The following CD180 variants were observed in gnomAD, a reference collection of about 807,000 sequenced individuals.
CD180 encodes CD180 antigen.
Under a neutral mutation model 10.7 loss-of-function variants are expected in CD180, and 11 were observed. The ratio of observed to expected loss-of-function variants is 1.03; its 90% CI spans 0.65 to 1.70. CD180 has a LOEUF of 1.70. Among genes scored for constraint, CD180 ranks in the 40% most tolerant of loss-of-function variants. The pLI is 0.00. For missense variants in CD180, 729 were observed against 775.2 expected (o/e 0.94, Z 0.71); for synonymous variants, 286 against 294.6 (o/e 0.97, Z 0.30).
chr5:67,193,441 G>T (rs1581830751), intron 1 of CD180, among the ~76,000 whole-genome samples: 1 of 152,144 alleles, frequency 6.6e-6, no homozygotes, highest in African/African-American at 2.4e-5. Context: ...TCAGGAATAA[G>T]TTCCATTTTT....
intron 1 of CD180, among the ~76,000 whole-genome samples, chr5:67,195,270 G>A (rs1326485440): frequency 6.6e-6 from 1 of 152,208 alleles, no homozygotes. Context: ...AGGCTGGAGT[G>A]CGGTGGCACA....
chr5:67,193,132 T>C (rs1030957957), intron 1 of CD180, among the ~76,000 whole-genome samples: 3 of 152,222 alleles, frequency 2.0e-5, no homozygotes, highest in Non-Finnish European at 4.4e-5. Flanking sequence ...TCTCCTCAGT[T>C]TGCGAACTGT....
In CD180 at chr5:67,179,645, C is replaced by A. The variant is rs997206513; in HGVS notation, c.*3212G>T. 6.6e-6 allele frequency: 1 copy of A among 152,244 alleles called. No homozygotes were observed. Among genetic ancestry groups the A allele is most frequent in the African/African-American group, 2.4e-5 (1 of 41,470 alleles). 9.4% of individuals were successfully genotyped at this position (152,244 alleles called of 1,614,324 possible). A position where few individuals can be genotyped will look rare whatever the true frequency, so the allele number is the denominator to read the frequency against. On this transcript the variant is annotated 3_prime_UTR_variant, in exon 3 of 3. Transcript: ENST00000256447. The stretch of plus-strand genomic sequence containing the variant: ...CATACTTTTATAAACATCAAAATTG[C>A]AAACTACACTGATTGGAGAGTTGGA...
chr5:67,184,713 T>C (rs5744524), intron 2 of CD180, 128 bp from the exon 3 acceptor site: 23,248 of 747,284 alleles, frequency 0.031, 1,736 homozygotes, highest in African/African-American at 0.24. Flanking sequence ...TTCTTCAATA[T>C]CAACAGATGG....
chr5:67,183,118 A>C lies in CD180; in HGVS notation c.1725T>G (p.Ser575Arg). The change falls in exon 3 of 3, where the codon AGT becomes AGG. Residue 575 changes from serine to arginine, a missense_variant. By Grantham distance (110) the Ser-to-Arg change is moderately radical (BLOSUM62 -1). Coordinates refer to ENST00000256447, the MANE Select transcript of CD180 (RefSeq NM_005582.3). Reference protein sequence around the residue: ...ILSQQSTINLSHNPLDCTCSN... With the variant: ...ILSQQSTINLRHNPLDCTCSN... ...AGCAAGTGCAGTCCAGGGGGTTATG[A>C]CTTAAATTAATGGTGCTCTGCTGGG... 6.2e-7 allele frequency: 1 copy of C among 1,610,426 alleles called. No individual in the cohort carries two copies. The highest frequency in any genetic ancestry group is 8.5e-7 in the Non-Finnish European group (1 of 1,177,510).
At chr5:67,191,982 G>T (rs552431038) in intron 1 of CD180, among the ~76,000 whole-genome samples, 3 of 152,232 alleles carry the variant, frequency 2.0e-5, no homozygotes, top group Non-Finnish European at 4.4e-5. Flanking sequence ...AAACAATAAA[G>T]CTTCTAGAAG....
Position 67,184,562 on chromosome 5 carries a change from T to A in CD180, c.281A>T (p.Glu94Val). 1 of 1,595,728 alleles carries A rather than the reference T, an allele frequency of 6.3e-7. No individual in the cohort carries two copies. The highest frequency in any genetic ancestry group is 1.1e-5 in the South Asian group (1 of 90,224). ...LTRCQINWIH[E>V]DTFQSHHQLS... Reference sequence around the variant, plus strand: ...TTGATGATGGCTTTGAAAAGTGTCTTCATGTATCCAGTTAATCTGGCACCT... The same window carrying A: ...TTGATGATGGCTTTGAAAAGTGTCTACATGTATCCAGTTAATCTGGCACCT... Residue 94 changes from glutamate to valine, a missense_variant, in exon 3 of 3, where the codon GAA (glutamate) becomes GTA (valine). Transcript: ENST00000256447.
In CD180 at chr5:67,183,650, A is replaced by T; in HGVS notation, c.1193T>A (p.Leu398Ter). 1 of 1,614,172 alleles carries T rather than the reference A, an allele frequency of 6.2e-7. No homozygotes were observed. Among genetic ancestry groups the T allele is most frequent in the Admixed American group, 1.7e-5 (1 of 60,026 alleles). ...ATTGTGGCTCAGGTTTAAGGTTTGCAAGTGGGACAGGTTTTTGAGTTGCAG... is the reference window on the plus strand; with the variant it reads ...ATTGTGGCTCAGGTTTAAGGTTTGCTAGTGGGACAGGTTTTTGAGTTGCAG... The part of the protein sequence containing the change: ...CSLQLKNLSH[L>*]QTLNLSHNEP... Residue 398 changes from leucine to a stop codon, truncating the protein, a stop_gained, in exon 3 of 3, where the codon TTG becomes TAG. Transcript: ENST00000256447. LOFTEE classifies it low-confidence loss of function (END_TRUNC).
intron 1 of CD180, among the ~76,000 whole-genome samples, chr5:67,195,102 C>T (rs1204434802): frequency 1.3e-5 from 2 of 152,190 alleles, no homozygotes; most frequent in Non-Finnish European, 2.9e-5. Context: ...TCTGCCAACA[C>T]CTTGATCTTA....
At chr5:67,188,084 C>T (rs968845624) in intron 1 of CD180, among the ~76,000 whole-genome samples, 1 of 151,756 alleles carries the variant, frequency 6.6e-6, no homozygotes, top group Non-Finnish European at 1.5e-5. Flanking sequence ...GCAGGAGAAT[C>T]GCTTGAACCA....
intron 1 of CD180, among the ~76,000 whole-genome samples, chr5:67,192,191 C>G (rs1403929611): frequency 2.0e-5 from 3 of 152,082 alleles, no homozygotes; most frequent in African/African-American, 7.2e-5. Context: ...GAGATCGAGA[C>G]CATCCTGGCT....
chr5:67,188,302 C>T (rs1241187339), intron 1 of CD180, among the ~76,000 whole-genome samples: 1 of 152,206 alleles, frequency 6.6e-6, no homozygotes, highest in Non-Finnish European at 1.5e-5. Context: ...TCTTGGACTT[C>T]CTAGCTCCCA....
At position 67,180,129 on chromosome 5, in the gene CD180, AG is replaced by A. The variant is rs1488783059; in HGVS notation, c.*2727del. The A allele has an allele frequency of 2.6e-5, 4 of 152,258 alleles. No homozygotes were observed. The highest frequency in any genetic ancestry group is 9.6e-5 in the African/African-American group (4 of 41,470). The allele number at this position is 152,258 out of a possible 1,614,324, so 9.4% of individuals were successfully genotyped here. On this transcript the variant is annotated 3_prime_UTR_variant, in exon 3 of 3. Transcript: ENST00000256447. ...AGGAGCTGTCACAAAGCCTTAGATC[AG>A]TTACGGAGCAGCAAGCTGCATCGCA...
At chr5:67,195,437 G>A (rs906279071) in intron 1 of CD180, among the ~76,000 whole-genome samples, 1 of 152,128 alleles carries the variant, frequency 6.6e-6, no homozygotes, top group South Asian at 2.1e-4. Flanking sequence ...GACTGGTCTC[G>A]AACTCCCAGT....
At chr5:67,189,980 G>A (rs1742270564) in intron 1 of CD180, among the ~76,000 whole-genome samples, 1 of 152,092 alleles carries the variant, frequency 6.6e-6, no homozygotes, top group Non-Finnish European at 1.5e-5. Flanking sequence ...TTTGCCAATT[G>A]TCCCATTATT....
At chr5:67,194,824 C>T (rs1195215361) in intron 1 of CD180, among the ~76,000 whole-genome samples, 2 of 152,166 alleles carry the variant, frequency 1.3e-5, no homozygotes, top group Non-Finnish European at 1.5e-5. Context: ...TTCTCTCCCC[C>T]ACCACCAAAT....
chr5:67,183,837 A>C lies in CD180; in HGVS notation c.1006T>G (p.Leu336Val). 6.2e-7 allele frequency: 1 copy of C among 1,614,202 alleles called. No individual in the cohort carries two copies. Among genetic ancestry groups the C allele is most frequent in the Non-Finnish European group, 8.5e-7 (1 of 1,180,032 alleles). ...AAATTGGCAGCACTGATTTGACACA[A>C]TTGATCGAAATGATTTACACTGAGA... Reference protein sequence around the residue: ...LVLSVNHFDQLCQISAANFPS... With the variant: ...LVLSVNHFDQVCQISAANFPS... Residue 336 changes from leucine to valine, a missense_variant, in exon 3 of 3, where the codon TTG (leucine) becomes GTG (valine). Coordinates refer to ENST00000256447, the MANE Select transcript of CD180 (RefSeq NM_005582.3).
Position 67,183,418 on chromosome 5 carries a change from G to C in CD180, c.1425C>G (p.Asn475Lys), listed in dbSNP as rs746090156. 6.2e-7 allele frequency: 1 copy of C among 1,614,216 alleles called. No homozygotes were observed. The highest frequency in any genetic ancestry group is 1.3e-5 in the African/African-American group (1 of 75,054). ...LAGLPVLRHL[N>K]LKGNHFQDGT... ...CATCTTGAAAGTGATTCCCTTTTAA[G>C]TTGAGATGCCGGAGAACTGGTAGGC... is the stretch of plus-strand genomic sequence containing the variant. The change falls in exon 3 of 3, where the codon AAC becomes AAG. Residue 475 changes from asparagine (N) to lysine (K), a missense_variant. Asn to Lys is a moderately conservative substitution (Grantham distance 94). Coordinates refer to ENST00000256447, the MANE Select transcript of CD180 (RefSeq NM_005582.3).
chr5:67,192,482 C>T (rs1433175758), intron 1 of CD180, among the ~76,000 whole-genome samples: 7 of 152,160 alleles, frequency 4.6e-5, no homozygotes, highest in Admixed American at 3.9e-4. Context: ...GCAGGCTCTA[C>T]AGGAAGCACA....
Sources: allele counts gnomAD v4.1 joint callset (sites outside exome capture counted in the v4.1 genomes callset), GRCh38; gene constraint gnomAD v4.1.1; transcripts MANE v1.5; gene names NCBI Gene and HGNC (gene_info 2026-07-23, HGNC 2026-07-21).